The following SLIT2 variants were observed in gnomAD, a reference collection of about 807,000 sequenced individuals.
SLIT2 encodes slit guidance ligand 2, also known as slit homolog 2 protein.
In SLIT2, 41 loss-of-function variants were observed where a neutral mutation model predicts 185.7. The observed-to-expected ratio is 0.22, with a 90% confidence interval of 0.17 to 0.29. The LOEUF (loss-of-function observed/expected upper bound fraction) is 0.29. Ranked by LOEUF, SLIT2 falls within the 10% of genes least tolerant of loss-of-function variation. The probability of loss-of-function intolerance (pLI) is 1.00; values close to 1 mark genes in which losing one functional copy is unlikely to be tolerated. For missense variants in SLIT2, 1,571 were observed against 1,909.0 expected (o/e 0.82, Z 3.30); for synonymous variants, 693 against 680.2 (o/e 1.02, Z -0.29).
intron 9 of SLIT2, among the ~76,000 whole-genome samples, 154 bp downstream of exon 9, chr4:20,492,053 T>C (rs2148798031): frequency 6.6e-6 from 1 of 152,356 alleles, no homozygotes. Context: ...ACTCTGATTG[T>C]TTAAAAACAT....
intron 16 of SLIT2, among the ~76,000 whole-genome samples, chr4:20,529,894 C>T (rs967030226): frequency 1.2e-4 from 18 of 152,050 alleles, no homozygotes; most frequent in Non-Finnish European, 1.9e-4. Context: ...TTGCAAAGTT[C>T]GTTGTCTGTT....
In SLIT2 at chr4:20,530,442, C is replaced by A. The variant is rs186928865; in HGVS notation, c.1613+1343C>A. Among the ~76,000 whole-genome samples, 601 of 152,176 alleles carry A rather than the reference C, an allele frequency of 3.9e-3. 3 individuals are homozygous for A. Among genetic ancestry groups the A allele is most frequent in the South Asian group, 0.017 (84 of 4,824 alleles). On this transcript the variant is annotated intron_variant, in intron 16 of 36. Transcript: ENST00000504154. ...GGGACCTCAGGCATGCACCACCACACCCAGCTAATTTTGTACTTTTTGTAG... is the reference window on the plus strand; with the variant it reads ...GGGACCTCAGGCATGCACCACCACAACCAGCTAATTTTGTACTTTTTGTAG...
chr4:20,285,759 G>A (rs1356516768), intron 4 of SLIT2, among the ~76,000 whole-genome samples: 1 of 152,134 alleles, frequency 6.6e-6, no homozygotes, highest in Non-Finnish European at 1.5e-5. Flanking sequence ...TATTGCCCAG[G>A]CAGGTCTCAA....
At chr4:20,602,978 G>A (rs879912580) in intron 33 of SLIT2, among the ~76,000 whole-genome samples, 8 of 152,010 alleles carry the variant, frequency 5.3e-5, no homozygotes, top group Non-Finnish European at 1.0e-4. Flanking sequence ...TATGGCGCAC[G>A]GGCCTAATAT....
At position 20,476,398 on chromosome 4, in the gene SLIT2, A is replaced by G. The variant is rs527833229; in HGVS notation, c.468-4318A>G. 5.3e-5 allele frequency among the ~76,000 whole-genome samples: 8 copies of G among 152,270 alleles called. No homozygotes were observed. In the South Asian group the frequency reaches 1.7e-3, roughly 32 times the overall value. On this transcript the variant is annotated intron_variant, in intron 5 of 36. Transcript: ENST00000504154. ...AGCCATTTCGATGTGTCTTAAGTCA[A>G]CTAAATTTTTGGAGTTTTCTATCTT...
intron 4 of SLIT2, among the ~76,000 whole-genome samples, chr4:20,337,232 C>A (rs900051618): frequency 6.6e-5 from 10 of 152,134 alleles, no homozygotes; most frequent in African/African-American, 2.2e-4. Context: ...CTGGGAAGGC[C>A]TCACAATCAT....
At chr4:20,390,568 G>T (rs1395823852) in intron 4 of SLIT2, among the ~76,000 whole-genome samples, 1 of 151,938 alleles carries the variant, frequency 6.6e-6, no homozygotes, top group Non-Finnish European at 1.5e-5. Context: ...AGTTCCTATG[G>T]CACTGTCGGC....
rs1278659232 is a variant in SLIT2 at position 20,252,256 on chromosome 4, G to A, written c.-1560G>A. Among the ~76,000 whole-genome samples the A allele has an allele frequency of 6.6e-6, 1 of 152,166 alleles. No homozygotes were observed. The highest frequency in any genetic ancestry group is 1.5e-5 in the Non-Finnish European group (1 of 68,026). ...TTCCTTCCAGACAAGCGAGACTTGG[G>A]CTGCTGCGTCCGTCCTATTGTTTAG... On this transcript the variant is annotated 5_prime_UTR_variant, in exon 1 of 37. Coordinates refer to ENST00000504154, the MANE Select transcript of SLIT2 (RefSeq NM_004787.4).
At chr4:20,612,297 C>G (rs576431668) in intron 34 of SLIT2, among the ~76,000 whole-genome samples, 1 of 148,452 alleles carries the variant, frequency 6.7e-6, no homozygotes, top group African/African-American at 2.5e-5. Flanking sequence ...TCAGAACATT[C>G]CCCCGCCCCC....
intron 4 of SLIT2, among the ~76,000 whole-genome samples, chr4:20,416,167 C>T (rs964164053): frequency 6.6e-6 from 1 of 152,212 alleles, no homozygotes; most frequent in East Asian, 1.9e-4. Flanking sequence ...CTAGGGCTAC[C>T]ATAGCAAAAT....
chr4:20,372,421 G>A (rs1322035153), intron 4 of SLIT2, among the ~76,000 whole-genome samples: 7 of 151,814 alleles, frequency 4.6e-5, no homozygotes, highest in Non-Finnish European at 1.5e-5. Context: ...AAGAGAAAAG[G>A]TAAAATACTG....
At chr4:20,429,280 A>C (rs17609982) in intron 4 of SLIT2, among the ~76,000 whole-genome samples, 35,866 of 152,020 alleles carry the variant, frequency 0.24, 4,388 homozygotes, top group Non-Finnish European at 0.27. Flanking sequence ...CATATGTTTC[A>C]ATGAAGTTTC....
At chr4:20,452,907 G>A (rs1015516440) in intron 4 of SLIT2, among the ~76,000 whole-genome samples, 5 of 152,126 alleles carry the variant, frequency 3.3e-5, no homozygotes, top group African/African-American at 1.2e-4. Context: ...CTATTCATGA[G>A]GGCCCACCCA....
In SLIT2 at chr4:20,528,050, T is replaced by G. The variant is rs1721451389; in HGVS notation, c.1463-899T>G. On this transcript the variant is annotated intron_variant, in intron 15 of 36. Coordinates refer to ENST00000504154, the MANE Select transcript of SLIT2 (RefSeq NM_004787.4). The surrounding 1 kb of genome is among the most constrained non-coding windows in gnomAD (Gnocchi z 4.2). The stretch of plus-strand genomic sequence containing the variant: ...GATGTTGTTCCCGAAAGCTGTTGTT[T>G]CCATTCTGCAGTTCTGAGGAATGGT... Among the ~76,000 whole-genome samples the G allele has an allele frequency of 6.6e-6, 1 of 152,162 alleles. No individual in the cohort carries two copies.
intron 29 of SLIT2, among the ~76,000 whole-genome samples, chr4:20,584,306 T>C (rs935802928): frequency 6.6e-6 from 1 of 152,236 alleles, no homozygotes; most frequent in African/African-American, 2.4e-5. Context: ...AAATGTCATT[T>C]TCCCCAATAA....
chr4:20,542,037 T>A (rs900308994), intron 20 of SLIT2, among the ~76,000 whole-genome samples: 2 of 152,182 alleles, frequency 1.3e-5, no homozygotes, highest in Non-Finnish European at 2.9e-5. Context: ...GATTCTCATA[T>A]AGCCCTATCA....
intron 6 of SLIT2, among the ~76,000 whole-genome samples, chr4:20,485,078 T>TAGGA (rs1717082765): frequency 6.6e-6 from 1 of 152,114 alleles, no homozygotes. Flanking sequence ...CAGAGGAACT[T>TAGGA]GCCTTCTTTA....
intron 4 of SLIT2, among the ~76,000 whole-genome samples, chr4:20,358,490 C>T (rs532605466): frequency 1.3e-5 from 2 of 151,984 alleles, no homozygotes; most frequent in Admixed American, 6.5e-5. Flanking sequence ...TAGAGTATCA[C>T]GATAAGCTTA....
At chr4:20,437,169 A>G (rs998088992) in intron 4 of SLIT2, among the ~76,000 whole-genome samples, 3 of 152,030 alleles carry the variant, frequency 2.0e-5, no homozygotes, top group African/African-American at 4.8e-5. Flanking sequence ...CTCATATACC[A>G]TTGCCTCCCC....
Sources: allele counts gnomAD v4.1 joint callset (sites outside exome capture counted in the v4.1 genomes callset), GRCh38; gene constraint gnomAD v4.1.1; non-coding constraint Gnocchi (gnomAD v3.1); transcripts MANE v1.5; gene names NCBI Gene and HGNC (gene_info 2026-07-23, HGNC 2026-07-21).